Variants in DCN observed in about 807,000 individuals in gnomAD.
DCN encodes bone proteoglycan II.
Under a neutral mutation model 36.5 loss-of-function variants are expected in DCN, and 17 were observed. The observed-to-expected ratio is 0.47, with a 90% CI of 0.32 to 0.70. The LOEUF (loss-of-function observed/expected upper bound fraction) is 0.70, where lower values mean the gene tolerates loss of function less well. Among genes scored for constraint, DCN ranks in the 30% least tolerant of loss-of-function variants. The pLI, the probability that DCN is intolerant of heterozygous loss-of-function variation, is 0.04. For missense variants in DCN, 389 were observed against 430.1 expected, an observed-to-expected ratio of 0.90 and a Z score of 0.84; for synonymous variants, 163 against 161.4, an observed-to-expected ratio of 1.01 and a Z score of -0.07.
At chr12:91,155,221 T>G (rs1451322223) in intron 5 of DCN, among the ~76,000 whole-genome samples, 1 of 152,146 alleles carries the variant, frequency 6.6e-6, no homozygotes. Context: ...AGAACTTAAT[T>G]ACAATTTTCT....
chr12:91,151,529 A>C, intron 7 of DCN, 125 bp downstream of exon 7: 1 of 1,016,308 alleles, frequency 9.8e-7, no homozygotes, highest in East Asian at 2.6e-5. Context: ...TGTCATAGAA[A>C]TTCTAACTAA....
chr12:91,169,378 CAAAAAAAA>C (rs58056993), intron 2 of DCN, among the ~76,000 whole-genome samples: 1,237 of 73,462 alleles, frequency 0.017, 46 homozygotes, highest in African/African-American at 0.065. Flanking sequence ...GAGATCCTGT[CAAAAAAAA>C]AAAAAAAAAA....
At position 91,146,193 on chromosome 12, in the gene DCN, A is replaced by T. The variant is rs752356761; in HGVS notation, c.945T>A (p.Pro315=). The T allele has an allele frequency of 3.7e-6, 6 of 1,613,710 alleles. 1 individual carries two copies. In the South Asian group the frequency reaches 6.6e-5, roughly 18 times the overall value. The change falls in exon 8 of 8, where the codon CCT becomes CCA. Residue 315 remains proline, a synonymous_variant. Transcript: ENST00000052754. ...SVVGSSDFCP[P]GHNTKKASYS... Reference sequence around the variant, plus strand: ...AAGAAGCCTTTTTGGTGTTGTGTCCAGGTGGGCAGAAGTCACTTGATCCAA... The same window carrying T: ...AAGAAGCCTTTTTGGTGTTGTGTCCTGGTGGGCAGAAGTCACTTGATCCAA...
rs912802879 is a variant in DCN, at chr12:91,141,896, G to T, written c.*4162C>A. 3 of 152,124 alleles carry T rather than the reference G, an allele frequency of 2.0e-5. No individual in the cohort carries two copies. Among genetic ancestry groups the T allele is most frequent in the African/African-American group, 7.2e-5 (3 of 41,428 alleles). The allele number at this position is 152,124 out of a possible 1,614,324, so 9.4% of individuals were successfully genotyped here. On this transcript the variant is annotated 3_prime_UTR_variant, in exon 8 of 8. Transcript: ENST00000052754. ...CCTTTTCTGGTTATCTTATACTGGG[G>T]TAGGGTGTGCATATGCCCTTTCTTT...
chr12:91,179,718 T>A (rs970804656), intron 1 of DCN: 1 of 152,190 alleles, frequency 6.6e-6, no homozygotes, highest in Non-Finnish European at 1.5e-5. Context: ...TTAGCTTTTT[T>A]TCAGTATCGA....
Position 91,155,783 on chromosome 12 carries a change from G to A in DCN, c.652+1292C>T, listed in dbSNP as rs139411816. On this transcript the variant is annotated intron_variant, in intron 5 of 7. Coordinates refer to ENST00000052754, the MANE Select transcript of DCN (RefSeq NM_001920.5). ...AAAGTGCTTTATGAATTATAAATCA[G>A]TCTTTATCATCTATGTATCTATCTA... 6.0e-3 allele frequency among the ~76,000 whole-genome samples: 921 copies of A among 152,238 alleles called. 6 individuals are homozygous for A. Among genetic ancestry groups the A allele is most frequent in the Middle Eastern group, 0.01 (3 of 294 alleles).
chr12:91,166,487 G>C (rs1565783664), intron 2 of DCN, among the ~76,000 whole-genome samples: 1 of 152,142 alleles, frequency 6.6e-6, no homozygotes, highest in Non-Finnish European at 1.5e-5. Flanking sequence ...ACCCAGAAAA[G>C]ACAAACTTCT....
chr12:91,161,986 G>A (rs1190931016), intron 3 of DCN, among the ~76,000 whole-genome samples: 1 of 151,388 alleles, frequency 6.6e-6, no homozygotes, highest in Non-Finnish European at 1.5e-5. Context: ...TGTCACCAGG[G>A]CTGCAGTGCA....
chr12:91,143,691 C>T lies in DCN; in HGVS notation c.*2367G>A, dbSNP rs552928634. ...CCATTTTATGGACAAGGAAATGAGT[C>T]ACAGAAAGGTTAACTAGCTTCCCTT... On this transcript the variant is annotated 3_prime_UTR_variant, in exon 8 of 8. Coordinates refer to ENST00000052754, the MANE Select transcript of DCN (RefSeq NM_001920.5). 6.6e-6 allele frequency: 1 copy of T among 151,850 alleles called. No homozygotes were observed. The highest frequency in any genetic ancestry group is 1.9e-4 in the East Asian group (1 of 5,158). 9.4% of individuals were successfully genotyped at this position (151,850 alleles called of 1,614,324 possible).
chr12:91,180,282 T>C (rs1373315261), intron 1 of DCN: 2 of 117,214 alleles, frequency 1.7e-5, no homozygotes, highest in Admixed American at 1.8e-4. Context: ...TGTAGCATAT[T>C]AAAAAAAAGA....
chr12:91,172,274 T>C (rs1462368515), intron 2 of DCN: 2 of 153,126 alleles, frequency 1.3e-5, no homozygotes, highest in African/African-American at 2.4e-5. Context: ...AACATCATGC[T>C]TTTTTTCTGC....
In DCN at chr12:91,141,363, C is replaced by T. The variant is rs114962804; in HGVS notation, c.*4695G>A. 8.0e-3 allele frequency: 1,214 copies of T among 152,382 alleles called. 13 individuals are homozygous for T. The highest frequency in any genetic ancestry group is 0.027 in the African/African-American group (1,134 of 41,550). The allele number at this position is 152,382 out of a possible 1,614,324, so 9.4% of individuals were successfully genotyped here. A position where few individuals can be genotyped will look rare whatever the true frequency, so the allele number is the denominator to read the frequency against. On this transcript the variant is annotated 3_prime_UTR_variant, in exon 8 of 8. Coordinates refer to ENST00000052754, the MANE Select transcript of DCN (RefSeq NM_001920.5). The stretch of plus-strand genomic sequence containing the variant: ...ATTCAGGGCCTCTTTTCTTGGCTTG[C>T]TCCCTTCAGTTCTTCATCTCCCTGC...
In DCN at chr12:91,141,037, T is replaced by C. The variant is rs908233864; in HGVS notation, c.*5021A>G. ...AAAGTCTTCATCATCTCTCACCTGA[T>C]TATTGCACTAGCATCCGAAATATTC... is the stretch of plus-strand genomic sequence containing the variant. On this transcript the variant is annotated 3_prime_UTR_variant, in exon 8 of 8. Transcript: ENST00000052754. 2 of 152,244 alleles carry C rather than the reference T, an allele frequency of 1.3e-5. No individual in the cohort carries two copies. The highest frequency in any genetic ancestry group is 6.5e-5 in the Admixed American group (1 of 15,278). The allele number at this position is 152,244 out of a possible 1,614,324, so 9.4% of individuals were successfully genotyped here. A position where few individuals can be genotyped will look rare whatever the true frequency, so the allele number is the denominator to read the frequency against.
rs58056993 is a variant in DCN at position 91,169,378 on chromosome 12, CAAAAAAA to C, written c.212-4668_212-4662del. On this transcript the variant is annotated intron_variant, in intron 2 of 7. Coordinates refer to ENST00000052754, the MANE Select transcript of DCN (RefSeq NM_001920.5). Reference sequence around the variant, plus strand: ...CCTAGGCAACAGGGGGAGATCCTGTCAAAAAAAAAAAAAAAAAAAAAAACCAAAAAAC... The same window carrying C: ...CCTAGGCAACAGGGGGAGATCCTGTCAAAAAAAAAAAAAAAACCAAAAAAC... Among the ~76,000 whole-genome samples, 13 of 73,408 alleles carry C rather than the reference CAAAAAAA, an allele frequency of 1.8e-4. 1 individual carries two copies. Among genetic ancestry groups the C allele is most frequent in the African/African-American group, 3.9e-4 (7 of 18,094 alleles). The allele number at this position is 73,408 out of a possible 152,430, so 48.2% of individuals were successfully genotyped here.
chr12:91,180,390 G>GAA (rs1883520350), intron 1 of DCN: 14 of 140,402 alleles, frequency 1.0e-4, no homozygotes, highest in African/African-American at 4.0e-4. Context: ...GAAAGAAAGA[G>GAA]AGAGAGAGAG....
intron 1 of DCN, among the ~76,000 whole-genome samples, chr12:91,181,133 C>CGT (rs545530519): frequency 0.024 from 3,489 of 147,090 alleles, 39 homozygotes; most frequent in African/African-American, 0.036. Flanking sequence ...TTCATTTGCT[C>CGT]GTGTGTGTGT....
chr12:91,159,672 T>A (rs1055799702), intron 3 of DCN, among the ~76,000 whole-genome samples: 8 of 152,008 alleles, frequency 5.3e-5, no homozygotes, highest in African/African-American at 1.7e-4. Context: ...TATTTCTGAG[T>A]TCTCCTTATA....
At chr12:91,169,422 T>C (rs1264641889) in intron 2 of DCN, among the ~76,000 whole-genome samples, 1 of 149,558 alleles carries the variant, frequency 6.7e-6, no homozygotes, top group Non-Finnish European at 1.5e-5. Context: ...GAAGCTATTT[T>C]TAAAAAAAGC....
Position 91,178,518 on chromosome 12 carries a change from T to A in DCN, c.35A>T (p.Gln12Leu). ...KATIILLLLA[Q>L]VSWAGPFQQR... is the part of the protein sequence containing the mutation. ...TTGAAACGGTCCAGCCCAGGAAACTTGTGCAAGCAGAAGGAGGATGATAGT... is the reference window on the plus strand; with the variant it reads ...TTGAAACGGTCCAGCCCAGGAAACTAGTGCAAGCAGAAGGAGGATGATAGT... The change falls in exon 2 of 8, where the codon CAA (glutamine) becomes CTA (leucine). Residue 12 changes from glutamine (Q) to leucine (L), a missense_variant. By Grantham distance (113) the Gln-to-Leu change is moderately radical. Transcript: ENST00000052754. 1 of 1,613,658 alleles carries A rather than the reference T, an allele frequency of 6.2e-7. No individual in the cohort carries two copies. Among genetic ancestry groups the A allele is most frequent in the Non-Finnish European group, 8.5e-7 (1 of 1,179,938 alleles).
Sources: allele counts gnomAD v4.1 joint callset (sites outside exome capture counted in the v4.1 genomes callset), GRCh38; gene constraint gnomAD v4.1.1; transcripts MANE v1.5; gene names NCBI Gene and HGNC (gene_info 2026-07-23, HGNC 2026-07-21).